The following UGGT2 variants were observed in gnomAD, a reference collection of about 807,000 sequenced individuals.
UGGT2 encodes the protein UDP-glucose glycoprotein glucosyltransferase 2.
Under a neutral mutation model 192.1 loss-of-function variants are expected in UGGT2, and 180 were observed. The observed-to-expected ratio is 0.94, with a 90% CI of 0.83 to 1.06. The LOEUF (loss-of-function observed/expected upper bound fraction) is 1.06, where lower values mean the gene tolerates loss of function less well. Among genes scored for constraint, UGGT2 ranks in the 50% least tolerant of loss-of-function variants. The pLI is 0.00. For synonymous variants in UGGT2, 580 were observed against 591.0 expected, an observed-to-expected ratio of 0.98 and a Z score of 0.27; for missense variants, 1,849 against 1,795.7, an observed-to-expected ratio of 1.03 and a Z score of -0.54.
chr13:96,033,924 A>G (rs1342829872), intron 1 of UGGT2, among the ~76,000 whole-genome samples: 1 of 152,160 alleles, frequency 6.6e-6, no homozygotes, highest in East Asian at 1.9e-4. Context: ...CAGATGGGCA[A>G]AAAGGGATGG....
intron 2 of UGGT2, 80 bp from the exon 3 acceptor site, chr13:96,023,839 C>A: frequency 8.4e-7 from 1 of 1,195,196 alleles, no homozygotes; most frequent in Non-Finnish European, 1.1e-6. Flanking sequence ...GTAAGGCTAA[C>A]TTAATGTCAT....
At chr13:96,007,332 A>T (rs2052013311) in intron 5 of UGGT2, among the ~76,000 whole-genome samples, 1 of 152,184 alleles carries the variant, frequency 6.6e-6, no homozygotes, top group South Asian at 2.1e-4. Flanking sequence ...TGACAGATCC[A>T]CAGCTAATAT....
At position 95,940,548 on chromosome 13, in the gene UGGT2, G is replaced by C. The variant is rs561119923; in HGVS notation, c.1678-457C>G. Among the ~76,000 whole-genome samples the C allele has an allele frequency of 2.7e-5, 4 of 148,298 alleles. No homozygotes were observed. In the South Asian group the frequency reaches 8.5e-4, roughly 31 times the overall value. Reference sequence around the variant, plus strand: ...GGCTCACTGCAGCTTCAACCTCCCAGCTCAAGCAATCCTCCCACCTAGCCC... The same window carrying C: ...GGCTCACTGCAGCTTCAACCTCCCACCTCAAGCAATCCTCCCACCTAGCCC... On this transcript the variant is annotated intron_variant, in intron 15 of 38. Coordinates refer to ENST00000376747, the MANE Select transcript of UGGT2 (RefSeq NM_020121.4).
intron 38 of UGGT2, among the ~76,000 whole-genome samples, chr13:95,813,219 G>A (rs1054867992): frequency 3.9e-5 from 6 of 152,132 alleles, no homozygotes; most frequent in Admixed American, 2.0e-4. Context: ...AAGAAAACAG[G>A]AAGATAAAGG....
intron 36 of UGGT2, among the ~76,000 whole-genome samples, chr13:95,847,790 A>G (rs959861708): frequency 1.3e-5 from 2 of 152,262 alleles, no homozygotes; most frequent in South Asian, 2.1e-4. Flanking sequence ...TTATGTAGCC[A>G]TAAGTTTTCA....
At chr13:95,972,551 T>A (rs1302424839) in intron 11 of UGGT2, 29 bp downstream of exon 11, 2 of 1,512,432 alleles carry the variant, frequency 1.3e-6, no homozygotes, top group Non-Finnish European at 1.8e-6. Flanking sequence ...TAAACCATAG[T>A]TCATTTACAG....
At position 95,976,186 on chromosome 13, in the gene UGGT2, T is replaced by C. The variant is rs142688472; in HGVS notation, c.1093-3515A>G. ...CACATATGAGTAATAACTTGTAGTA[T>C]GTCTTTCTGTGTATGGCTTATTTCA... On this transcript the variant is annotated intron_variant, in intron 10 of 38. Coordinates refer to ENST00000376747, the MANE Select transcript of UGGT2 (RefSeq NM_020121.4). 4.6e-3 allele frequency among the ~76,000 whole-genome samples: 697 copies of C among 152,316 alleles called. 10 individuals are homozygous for C. The East Asian group carries it at 0.046, about 10-fold the overall frequency.
chr13:95,893,613 A>G (rs572059652), intron 24 of UGGT2, among the ~76,000 whole-genome samples: 1 of 152,308 alleles, frequency 6.6e-6, no homozygotes, highest in South Asian at 2.1e-4. Context: ...ATTTACATAT[A>G]AATTTAACCG....
At chr13:96,038,678 T>A (rs1238815815) in intron 1 of UGGT2, among the ~76,000 whole-genome samples, 1 of 152,050 alleles carries the variant, frequency 6.6e-6, no homozygotes, top group African/African-American at 2.4e-5. Context: ...TTGAGCAGAG[T>A]TAATGCAAAA....
intron 12 of UGGT2, among the ~76,000 whole-genome samples, chr13:95,954,774 A>G (rs1270158345): frequency 6.6e-6 from 1 of 152,176 alleles, no homozygotes; most frequent in Non-Finnish European, 1.5e-5. Context: ...TTGTAGTTTG[A>G]CCACCTCGGG....
intron 20 of UGGT2, among the ~76,000 whole-genome samples, chr13:95,907,121 C>T (rs1034183655): frequency 3.9e-5 from 6 of 152,232 alleles, no homozygotes; most frequent in African/African-American, 1.4e-4. Context: ...GTGCCCGACA[C>T]GGCAGGTCCC....
chr13:96,009,786 G>A (rs1279227809), intron 5 of UGGT2, among the ~76,000 whole-genome samples: 10 of 152,050 alleles, frequency 6.6e-5, no homozygotes, highest in African/African-American at 1.2e-4. Context: ...CCAGCCTGGC[G>A]ATAGAGCAAG....
At chr13:96,020,546 G>C (rs1436605268) in intron 4 of UGGT2, among the ~76,000 whole-genome samples, 3 of 152,114 alleles carry the variant, frequency 2.0e-5, no homozygotes, top group African/African-American at 7.2e-5. Flanking sequence ...TATAATCAGA[G>C]CCAAAACAAT....
Position 95,854,400 on chromosome 13 carries a change from C to T in UGGT2, c.4084G>A (p.Asp1362Asn), listed in dbSNP as rs1046858416. The change falls in exon 35 of 39, where the codon GAT becomes AAT. Residue 1362 changes from aspartate (D) to asparagine (N), a missense_variant. Coordinates refer to ENST00000376747, the MANE Select transcript of UGGT2 (RefSeq NM_020121.4). The stretch of plus-strand genomic sequence containing the variant: ...TATCCATCCATTTCCCTGCGGCTAT[C>T]ACAAAATGGAGTATACCCATAAGGA... ...GAPYGYTPFC[D>N]SRREMDGYRF... is the part of the protein sequence containing the mutation. 6.2e-7 allele frequency: 1 copy of T among 1,613,864 alleles called. No individual in the cohort carries two copies. The highest frequency in any genetic ancestry group is 1.1e-5 in the South Asian group (1 of 91,070).
At chr13:95,837,333 A>G in intron 36 of UGGT2, 131 bp from the exon 37 acceptor site, 1 of 670,026 alleles carries the variant, frequency 1.5e-6, no homozygotes, top group East Asian at 2.7e-5. Context: ...ATTTCTCTAC[A>G]CTTTAAAGCT....
At chr13:95,906,586 A>C (rs750182463) in intron 20 of UGGT2, among the ~76,000 whole-genome samples, 6 of 152,228 alleles carry the variant, frequency 3.9e-5, no homozygotes, top group Non-Finnish European at 8.8e-5. Flanking sequence ...CCCAATTTTG[A>C]TTAATAACAT....
intron 16 of UGGT2, among the ~76,000 whole-genome samples, chr13:95,937,647 T>C (rs2049509963): frequency 6.6e-6 from 1 of 152,150 alleles, no homozygotes; most frequent in Non-Finnish European, 1.5e-5. Flanking sequence ...CACAGGCATG[T>C]AGAAGACTCT....
chr13:95,983,111 C>T (rs1179032379), intron 10 of UGGT2, among the ~76,000 whole-genome samples: 1 of 152,116 alleles, frequency 6.6e-6, no homozygotes, highest in Non-Finnish European at 1.5e-5. Context: ...GGCCACATGG[C>T]AAAATCCTCA....
intron 24 of UGGT2, among the ~76,000 whole-genome samples, chr13:95,893,930 C>G (rs1277707635): frequency 1.3e-5 from 2 of 152,190 alleles, no homozygotes; most frequent in African/African-American, 4.8e-5. Context: ...TATAATGTGT[C>G]AACTTGACCA....
Sources: allele counts gnomAD v4.1 joint callset (sites outside exome capture counted in the v4.1 genomes callset), GRCh38; gene constraint gnomAD v4.1.1; transcripts MANE v1.5; gene names NCBI Gene and HGNC (gene_info 2026-07-23, HGNC 2026-07-21).